The following ENPP2 variants were observed in gnomAD, a reference collection of about 807,000 sequenced individuals.
ENPP2 encodes ectonucleotide pyrophosphatase/phosphodiesterase 2.
A neutral mutation model predicts 120.2 loss-of-function variants in ENPP2; 51 were observed. The observed-to-expected ratio is 0.42, with a 90% CI of 0.34 to 0.54. The LOEUF (loss-of-function observed/expected upper bound fraction) is 0.54, where lower values mean the gene tolerates loss of function less well. Ranked by LOEUF, ENPP2 falls within the 20% of genes least tolerant of loss-of-function variation. The probability of loss-of-function intolerance (pLI) is 0.04; values close to 1 mark genes in which losing one functional copy is unlikely to be tolerated. For synonymous variants in ENPP2, 365 were observed against 366.4 expected (o/e 1.00, Z 0.04); for missense variants, 920 against 1,066.5 (o/e 0.86, Z 1.91).
At chr8:119,597,692 T>C (rs1007371482) in intron 11 of ENPP2, among the ~76,000 whole-genome samples, 2 of 152,062 alleles carry the variant, frequency 1.3e-5, no homozygotes, top group East Asian at 1.9e-4. Flanking sequence ...AGAAAAAGCA[T>C]AGAAGGTCAA....
chr8:119,569,841 A>G (rs987382507), intron 20 of ENPP2, among the ~76,000 whole-genome samples: 4 of 151,986 alleles, frequency 2.6e-5, no homozygotes, highest in Non-Finnish European at 4.4e-5. Flanking sequence ...TTGGGGCAGT[A>G]GAAGTGTTCT....
chr8:119,566,385 C>G (rs1371767462), intron 22 of ENPP2, among the ~76,000 whole-genome samples: 1 of 152,216 alleles, frequency 6.6e-6, no homozygotes, highest in Non-Finnish European at 1.5e-5. Context: ...TATTAAAAAG[C>G]ACCTGGCCAT....
intron 2 of ENPP2, 150 bp from the exon 3 acceptor site, chr8:119,626,870 G>A: frequency 3.1e-6 from 2 of 650,822 alleles, no homozygotes; most frequent in South Asian, 2.4e-5. Context: ...ACTCTGGGCA[G>A]GTTGCCCAAC....
intron 1 of ENPP2, among the ~76,000 whole-genome samples, chr8:119,660,038 A>G (rs1267148962): frequency 6.6e-6 from 1 of 152,326 alleles, no homozygotes; most frequent in East Asian, 1.9e-4. Context: ...AAGTATAAGT[A>G]TAAATATAAA....
chr8:119,666,496 A>G (rs1326775321), intron 1 of ENPP2, among the ~76,000 whole-genome samples: 1 of 152,120 alleles, frequency 6.6e-6, no homozygotes, highest in Non-Finnish European at 1.5e-5. Flanking sequence ...TAAAAAGAAA[A>G]AAGGCTGGGC....
intron 11 of ENPP2, among the ~76,000 whole-genome samples, chr8:119,598,444 T>A (rs188150938): frequency 2.6e-5 from 4 of 152,312 alleles, no homozygotes; most frequent in Admixed American, 1.3e-4. Flanking sequence ...TTTATATATT[T>A]GTGAGCAACC....
At chr8:119,661,826 T>C (rs1817928794) in intron 1 of ENPP2, among the ~76,000 whole-genome samples, 2 of 152,142 alleles carry the variant, frequency 1.3e-5, no homozygotes, top group Non-Finnish European at 1.5e-5. Flanking sequence ...CACAATGGAA[T>C]ACTAGGCAGC....
At chr8:119,629,792 CA>C (rs796442712) in intron 2 of ENPP2, among the ~76,000 whole-genome samples, 41 of 144,966 alleles carry the variant, frequency 2.8e-4, no homozygotes, top group African/African-American at 8.1e-4. Context: ...AGAAGTAAAA[CA>C]AAAAAAAAAT....
At chr8:119,631,972 A>G (rs1816713779) in intron 2 of ENPP2, among the ~76,000 whole-genome samples, 2 of 152,160 alleles carry the variant, frequency 1.3e-5, no homozygotes, top group African/African-American at 4.8e-5. Context: ...GTTAAATGTC[A>G]TTTCCAGGCT....
chr8:119,602,875 G>A (rs1814413613), intron 9 of ENPP2, among the ~76,000 whole-genome samples: 3 of 152,164 alleles, frequency 2.0e-5, no homozygotes, highest in Admixed American at 2.0e-4. Flanking sequence ...GTGGACATGA[G>A]CAGTGAGAGA....
At chr8:119,637,622 C>T (rs1817078178) in intron 2 of ENPP2, among the ~76,000 whole-genome samples, 1 of 152,090 alleles carries the variant, frequency 6.6e-6, no homozygotes, top group African/African-American at 2.4e-5. Flanking sequence ...AAATATTGTT[C>T]CCTAGAGTGC....
chr8:119,650,610 C>T (rs1817600852), intron 1 of ENPP2, among the ~76,000 whole-genome samples: 1 of 152,144 alleles, frequency 6.6e-6, no homozygotes, highest in African/African-American at 2.4e-5. Flanking sequence ...ATGCATTCAA[C>T]GTTGTCCCCA....
Position 119,608,417 on chromosome 8 carries a change from C to T in ENPP2, c.778-440G>A, listed in dbSNP as rs1166996875. On this transcript the variant is annotated intron_variant, in intron 8 of 24. Coordinates refer to ENST00000075322, the MANE Select transcript of ENPP2 (RefSeq NM_001040092.3). The stretch of plus-strand genomic sequence containing the variant: ...ATCCAGATGTCAGAATTTTGGAATC[C>T]AGATTGTCTTGTTTTAGTTTAAACT... Among the ~76,000 whole-genome samples, 3 of 152,168 alleles carry T rather than the reference C, an allele frequency of 2.0e-5. No individual in the cohort carries two copies. The East Asian group carries it at 5.8e-4, about 29-fold the overall frequency.
chr8:119,670,981 A>G (rs914309168), intron 1 of ENPP2, among the ~76,000 whole-genome samples: 4 of 152,108 alleles, frequency 2.6e-5, no homozygotes, highest in African/African-American at 9.7e-5. Flanking sequence ...ATCATATTAT[A>G]TTTTAGAAAG....
At chr8:119,651,192 G>T (rs1341647129) in intron 1 of ENPP2, among the ~76,000 whole-genome samples, 27 of 152,138 alleles carry the variant, frequency 1.8e-4, no homozygotes, top group Admixed American at 1.8e-3. Flanking sequence ...ATAAAGAGGG[G>T]AAGGGCATTG....
intron 22 of ENPP2, among the ~76,000 whole-genome samples, chr8:119,567,594 T>C (rs1814579176): frequency 6.6e-6 from 1 of 152,186 alleles, no homozygotes. Flanking sequence ...AAATAATTGG[T>C]ACAGGACTAA....
chr8:119,602,475 A>G (rs867120514), intron 9 of ENPP2, among the ~76,000 whole-genome samples: 5,664 of 150,752 alleles, frequency 0.038, 353 homozygotes, highest in African/African-American at 0.13. Context: ...AAAAAAAAAA[A>G]GAATAGGCAC....
intron 24 of ENPP2, 133 bp downstream of exon 24, chr8:119,562,724 G>A: frequency 1.1e-6 from 1 of 876,920 alleles, no homozygotes; most frequent in Non-Finnish European, 1.7e-6. Flanking sequence ...AGTTCTGTTT[G>A]GTTCCTTTCT....
chr8:119,656,687 G>A (rs1341275950), intron 1 of ENPP2, among the ~76,000 whole-genome samples: 1 of 152,038 alleles, frequency 6.6e-6, no homozygotes, highest in Non-Finnish European at 1.5e-5. Context: ...ATATTAGTTG[G>A]TAATGGCAGA....
Sources: gnomAD v4.1 joint callset for allele counts (sites outside exome capture counted in the v4.1 genomes callset) on GRCh38, gnomAD v4.1.1 for gene constraint, MANE v1.5 for transcripts, NCBI Gene and HGNC (gene_info 2026-07-23, HGNC 2026-07-21) for gene names.